The following ADARB2 variants were observed in gnomAD, a reference collection of about 807,000 sequenced individuals.
The protein encoded by ADARB2 is inactive double-stranded RNA-specific editase B2.
A neutral mutation model predicts 62.2 loss-of-function variants in ADARB2; 25 were observed. The observed-to-expected ratio is 0.40, with a 90% CI of 0.29 to 0.56. ADARB2 has a LOEUF of 0.56. ADARB2 is among the 20% of genes least tolerant of loss of function. ADARB2 has a pLI of 0.43. For missense variants in ADARB2, 1,071 were observed against 1,077.4 expected, an observed-to-expected ratio of 0.99 and a Z score of 0.08; for synonymous variants, 572 against 500.8, an observed-to-expected ratio of 1.14 and a Z score of -1.90.
At chr10:1,470,984 G>A (rs1390496228) in intron 1 of ADARB2, among the ~76,000 whole-genome samples, 1 of 152,144 alleles carries the variant, frequency 6.6e-6, no homozygotes, top group African/African-American at 2.4e-5. Flanking sequence ...GCGTGAACCC[G>A]GGAGGCGGAG....
intron 1 of ADARB2, among the ~76,000 whole-genome samples, chr10:1,649,936 G>A (rs536375398): frequency 6.8e-4 from 104 of 152,336 alleles, no homozygotes; most frequent in Non-Finnish European, 1.2e-3. Context: ...CCTGAGGAGC[G>A]ATGATTACAC....
At chr10:1,525,060 A>C (rs1832123317) in intron 1 of ADARB2, among the ~76,000 whole-genome samples, 1 of 152,178 alleles carries the variant, frequency 6.6e-6, no homozygotes, top group African/African-American at 2.4e-5. Context: ...AAATAATAAT[A>C]ATAACTTCAC....
chr10:1,423,952 C>T (rs1832872712), intron 1 of ADARB2, among the ~76,000 whole-genome samples: 1 of 152,164 alleles, frequency 6.6e-6, no homozygotes, highest in Admixed American at 6.5e-5. Context: ...AGTAGATCCA[C>T]TATGTATGCA....
At chr10:1,188,120 T>G (rs114326818) in intron 8 of ADARB2, 2,241 of 154,062 alleles carry the variant, frequency 0.015, 66 homozygotes, top group African/African-American at 0.05. Flanking sequence ...CCAGGCAGTT[T>G]GAGTTCTGTG....
At chr10:1,552,447 G>A (rs763931414) in intron 1 of ADARB2, among the ~76,000 whole-genome samples, 2 of 152,224 alleles carry the variant, frequency 1.3e-5, no homozygotes, top group African/African-American at 2.4e-5. Flanking sequence ...GGGGCCGGAG[G>A]GAGCAGGATC....
At chr10:1,549,368 C>T (rs958999269) in intron 1 of ADARB2, among the ~76,000 whole-genome samples, 1 of 152,084 alleles carries the variant, frequency 6.6e-6, no homozygotes, top group African/African-American at 2.4e-5. Context: ...TTTTGAAAGC[C>T]CTGGGAGTGG....
intron 1 of ADARB2, among the ~76,000 whole-genome samples, chr10:1,525,738 C>T (rs764833463): frequency 1.3e-5 from 2 of 151,986 alleles, no homozygotes; most frequent in Non-Finnish European, 1.5e-5. Context: ...CATGCGTGTG[C>T]GTGCATGTAT....
chr10:1,676,769 C>T (rs1019568327), intron 1 of ADARB2, among the ~76,000 whole-genome samples: 2 of 116,566 alleles, frequency 1.7e-5, no homozygotes, highest in Admixed American at 1.0e-4. Flanking sequence ...CACGGACACT[C>T]GTATTATTCA....
chr10:1,392,299 ACT>A (rs1487863787), intron 1 of ADARB2, among the ~76,000 whole-genome samples: 2 of 151,652 alleles, frequency 1.3e-5, no homozygotes, highest in Non-Finnish European at 2.9e-5. Context: ...AGTCCACAGA[ACT>A]CTCTTGGTGC....
intron 1 of ADARB2, among the ~76,000 whole-genome samples, chr10:1,645,584 C>A (rs1051734512): frequency 3.3e-5 from 5 of 152,210 alleles, no homozygotes; most frequent in Admixed American, 6.5e-5. Flanking sequence ...CTCAGTCACA[C>A]AAAACCAAAA....
At chr10:1,470,037 G>C (rs1831300731) in intron 1 of ADARB2, among the ~76,000 whole-genome samples, 1 of 152,166 alleles carries the variant, frequency 6.6e-6, no homozygotes, top group Non-Finnish European at 1.5e-5. Context: ...GGGAACAACA[G>C]AGAACTGGAG....
At position 1,483,354 on chromosome 10, in the gene ADARB2, G is replaced by A. The variant is rs533559894; in HGVS notation, c.101-104194C>T. On this transcript the variant is annotated intron_variant, in intron 1 of 9. Coordinates refer to ENST00000381312, the MANE Select transcript of ADARB2 (RefSeq NM_018702.4). Reference sequence around the variant, plus strand: ...GGTCTTTTGGGATCTAGGAAACCCCGTTACTGAAACCACACTGTTCTAACG... The same window carrying A: ...GGTCTTTTGGGATCTAGGAAACCCCATTACTGAAACCACACTGTTCTAACG... 4.6e-5 allele frequency among the ~76,000 whole-genome samples: 7 copies of A among 152,260 alleles called. No homozygotes were observed. In the South Asian group the frequency reaches 8.3e-4, roughly 18 times the overall value.
At chr10:1,601,527 T>C (rs1273758502) in intron 1 of ADARB2, among the ~76,000 whole-genome samples, 1 of 152,244 alleles carries the variant, frequency 6.6e-6, no homozygotes, top group Non-Finnish European at 1.5e-5. Flanking sequence ...TATTGTGTCT[T>C]AGCCAGAGAG....
chr10:1,258,489 G>T (rs1018928696), intron 4 of ADARB2, among the ~76,000 whole-genome samples: 1 of 152,074 alleles, frequency 6.6e-6, no homozygotes, highest in Non-Finnish European at 1.5e-5. Flanking sequence ...ACAAAGGCAG[G>T]GGTTGCAATC....
intron 4 of ADARB2, among the ~76,000 whole-genome samples, chr10:1,247,445 A>G (rs567537877): frequency 1.3e-5 from 2 of 152,320 alleles, no homozygotes; most frequent in East Asian, 1.9e-4. Context: ...TTGCCCATTC[A>G]GTATGATATT....
intron 1 of ADARB2, among the ~76,000 whole-genome samples, chr10:1,662,255 C>T (rs771839608): frequency 3.3e-5 from 5 of 152,178 alleles, no homozygotes; most frequent in South Asian, 4.1e-4. Context: ...GCCCGGTCCA[C>T]GGGTTTGAGG....
chr10:1,644,681 A>G (rs1415888831), intron 1 of ADARB2, among the ~76,000 whole-genome samples: 1 of 152,264 alleles, frequency 6.6e-6, no homozygotes, highest in Admixed American at 6.5e-5. Flanking sequence ...TCTTGTCTGT[A>G]CAAGAAAGGC....
chr10:1,488,814 G>A (rs1373687885), intron 1 of ADARB2, among the ~76,000 whole-genome samples: 1 of 151,774 alleles, frequency 6.6e-6, no homozygotes, highest in Non-Finnish European at 1.5e-5. Flanking sequence ...GAAAACGCTC[G>A]CATATCTGCG....
At chr10:1,222,828 ATAGTT>A (rs1177799087) in intron 6 of ADARB2, among the ~76,000 whole-genome samples, 1 of 150,234 alleles carries the variant, frequency 6.7e-6, no homozygotes, top group Non-Finnish European at 1.5e-5. Flanking sequence ...GCCTTGTAGT[ATAGTT>A]TGAAGTCAGG....
Sources: gnomAD v4.1 joint callset for allele counts (sites outside exome capture counted in the v4.1 genomes callset) on GRCh38, gnomAD v4.1.1 for gene constraint, MANE v1.5 for transcripts, NCBI Gene and HGNC (gene_info 2026-07-23, HGNC 2026-07-21) for gene names.